The following FNDC3B variants were observed in gnomAD, a reference collection of about 807,000 sequenced individuals.
FNDC3B encodes fibronectin type III domain containing 3B, also known as fibronectin type III domain-containing protein 3B.
A neutral mutation model predicts 151.5 loss-of-function variants in FNDC3B; 12 were observed. That is an observed-to-expected ratio of 0.08 (90% confidence interval 0.05 to 0.13). The LOEUF (loss-of-function observed/expected upper bound fraction) is 0.13, where lower values mean the gene tolerates loss of function less well. Ranked by LOEUF, FNDC3B falls within the 10% of genes least tolerant of loss-of-function variation. The pLI, the probability that FNDC3B is intolerant of heterozygous loss-of-function variation, is 1.00. For synonymous variants in FNDC3B, 528 were observed against 549.0 expected (o/e 0.96, Z 0.54); for missense variants, 1,214 against 1,505.3 (o/e 0.81, Z 3.20).
intron 1 of FNDC3B, among the ~76,000 whole-genome samples, chr3:172,050,789 T>C (rs1347994444): frequency 6.6e-6 from 1 of 151,636 alleles, no homozygotes; most frequent in African/African-American, 2.4e-5. Flanking sequence ...GTATATATAT[T>C]GCTGTATATA....
chr3:172,133,892 T>A (rs1447424965), intron 3 of FNDC3B, among the ~76,000 whole-genome samples: 7 of 152,082 alleles, frequency 4.6e-5, no homozygotes, highest in Admixed American at 3.9e-4. Flanking sequence ...CATGGAGAAG[T>A]GGAGGGAGCT....
intron 8 of FNDC3B, among the ~76,000 whole-genome samples, chr3:172,297,724 T>C (rs927997900): frequency 6.6e-6 from 1 of 152,046 alleles, no homozygotes; most frequent in Non-Finnish European, 1.5e-5. Flanking sequence ...TCCGCCCTCC[T>C]TGGCCTCCCA....
chr3:172,346,488 C>A, intron 20 of FNDC3B, 48 bp downstream of exon 20: 5 of 1,131,616 alleles, frequency 4.4e-6, no homozygotes, highest in Non-Finnish European at 6.6e-6. Context: ...CTACTTTACT[C>A]CCAAATACAA....
intron 11 of FNDC3B, among the ~76,000 whole-genome samples, chr3:172,324,851 C>T (rs988573493): frequency 6.6e-6 from 1 of 152,208 alleles, no homozygotes; most frequent in Non-Finnish European, 1.5e-5. Flanking sequence ...TTTCCATACC[C>T]CGCTGAGAAC....
At chr3:172,370,235 G>A (rs760746191) in intron 23 of FNDC3B, among the ~76,000 whole-genome samples, 1 of 152,086 alleles carries the variant, frequency 6.6e-6, no homozygotes, top group Non-Finnish European at 1.5e-5. Flanking sequence ...GCCAGTTAGA[G>A]CATTCTTGGA....
At chr3:172,275,613 T>G (rs1729395783) in intron 6 of FNDC3B, among the ~76,000 whole-genome samples, 1 of 152,244 alleles carries the variant, frequency 6.6e-6, no homozygotes, top group East Asian at 1.9e-4. Flanking sequence ...ATGGAAAAGC[T>G]TGTAATACCA....
intron 3 of FNDC3B, among the ~76,000 whole-genome samples, chr3:172,166,442 C>T (rs768825001): frequency 2.0e-5 from 3 of 152,182 alleles, no homozygotes; most frequent in Non-Finnish European, 4.4e-5. Context: ...TTACCATTAG[C>T]ATCTAAAGTG....
At chr3:172,081,003 G>C (rs912551456) in intron 1 of FNDC3B, among the ~76,000 whole-genome samples, 1 of 152,206 alleles carries the variant, frequency 6.6e-6, no homozygotes, top group Non-Finnish European at 1.5e-5. Flanking sequence ...CTGACCATCA[G>C]TGTGTCATGC....
intron 7 of FNDC3B, among the ~76,000 whole-genome samples, chr3:172,294,571 GA>G (rs1386298985): frequency 1.3e-5 from 2 of 152,170 alleles, no homozygotes; most frequent in Non-Finnish European, 2.9e-5. Flanking sequence ...CAAGATTGGG[GA>G]TTGCAATCTG....
intron 2 of FNDC3B, among the ~76,000 whole-genome samples, chr3:172,129,007 G>T (rs1397840504): frequency 1.3e-5 from 2 of 152,148 alleles, no homozygotes; most frequent in Non-Finnish European, 2.9e-5. Flanking sequence ...TTGCTCTGTT[G>T]TCCGGGCTGG....
chr3:172,187,387 C>G (rs2108662874), intron 3 of FNDC3B: 1 of 152,208 alleles, frequency 6.6e-6, no homozygotes, highest in East Asian at 1.9e-4. Flanking sequence ...AACTTCTTGC[C>G]AGTAGGGGTG....
chr3:172,090,888 T>C (rs115943511), intron 1 of FNDC3B, among the ~76,000 whole-genome samples: 412 of 152,288 alleles, frequency 2.7e-3, no homozygotes, highest in Non-Finnish European at 4.1e-3. Flanking sequence ...TATAAGGGTG[T>C]ATGTGAAACA....
chr3:172,358,770 C>T (rs1170880353), intron 22 of FNDC3B, among the ~76,000 whole-genome samples: 1 of 152,210 alleles, frequency 6.6e-6, no homozygotes, highest in East Asian at 1.9e-4. Flanking sequence ...GTGCTTCTTA[C>T]ATCCCTTATC....
At chr3:172,347,129 C>T in intron 20 of FNDC3B, 83 bp from the exon 21 acceptor site, 1 of 1,248,026 alleles carries the variant, frequency 8.0e-7, no homozygotes, top group Non-Finnish European at 1.1e-6. Flanking sequence ...TGCTCTCTTT[C>T]CCATTTTAGT....
At position 172,251,403 on chromosome 3, in the gene FNDC3B, T is replaced by A. The variant is rs766484989; in HGVS notation, c.652T>A (p.Cys218Ser). The A allele has an allele frequency of 1.8e-5, 29 of 1,613,902 alleles. No individual in the cohort carries two copies. In the South Asian group the frequency reaches 2.9e-4, roughly 16 times the overall value. The change falls in exon 6 of 26, where the codon TGC becomes AGC. Residue 218 changes from cysteine to serine, a missense_variant. Transcript: ENST00000415807. ...TCCTTCTTCTATCTACAAAAGCAGC[T>A]GCACAACAGTATACAATGGCTATGG... is the stretch of plus-strand genomic sequence containing the variant. ...SPPSSIYKSS[C>S]TTVYNGYGKG...
At chr3:172,175,828 C>T (rs1030377534) in intron 3 of FNDC3B, among the ~76,000 whole-genome samples, 2 of 152,160 alleles carry the variant, frequency 1.3e-5, no homozygotes, top group African/African-American at 4.8e-5. Context: ...GAGGGGATCA[C>T]AGTAGTACAG....
intron 3 of FNDC3B, among the ~76,000 whole-genome samples, chr3:172,141,145 TC>T (rs10575160): frequency 0.28 from 42,603 of 151,686 alleles, 8,063 homozygotes; most frequent in African/African-American, 0.54. Context: ...TACTGATTTT[TC>T]CCCCCCCTAA....
intron 2 of FNDC3B, among the ~76,000 whole-genome samples, chr3:172,123,099 T>C (rs1720632471): frequency 6.6e-6 from 1 of 152,232 alleles, no homozygotes; most frequent in East Asian, 1.9e-4. Flanking sequence ...AGTACAGTGA[T>C]ACAGTCCCAG....
At chr3:172,287,491 G>A (rs1730088439) in intron 7 of FNDC3B, among the ~76,000 whole-genome samples, 1 of 152,226 alleles carries the variant, frequency 6.6e-6, no homozygotes, top group Non-Finnish European at 1.5e-5. Flanking sequence ...GTATAAGGGA[G>A]AGATCAGAAA....
Sources: gnomAD v4.1 joint callset for allele counts (sites outside exome capture counted in the v4.1 genomes callset) on GRCh38, gnomAD v4.1.1 for gene constraint, MANE v1.5 for transcripts, NCBI Gene and HGNC (gene_info 2026-07-23, HGNC 2026-07-21) for gene names.